Variants in AMPH observed in about 807,000 individuals in gnomAD.
AMPH encodes the protein amphiphysin (Stiff-Mann syndrome with breast cancer 128kD autoantigen).
Under a neutral mutation model 99.1 loss-of-function variants are expected in AMPH, and 49 were observed. The ratio of observed to expected loss-of-function variants is 0.49; its 90% CI spans 0.39 to 0.63. The LOEUF (loss-of-function observed/expected upper bound fraction) is 0.63. AMPH is among the 20% of genes least tolerant of loss of function. The pLI, the probability that AMPH is intolerant of heterozygous loss-of-function variation, is 0.00. For missense variants in AMPH, 759 were observed against 863.4 expected (o/e 0.88, Z 1.52); for synonymous variants, 314 against 317.3 (o/e 0.99, Z 0.11).
intron 17 of AMPH, among the ~76,000 whole-genome samples, chr7:38,395,580 G>A (rs957696788): frequency 2.2e-4 from 33 of 152,226 alleles, no homozygotes; most frequent in South Asian, 1.0e-3. Flanking sequence ...AGAGGTTCAC[G>A]TGAGAAAGAC....
intron 11 of AMPH, among the ~76,000 whole-genome samples, chr7:38,459,039 A>G (rs1787341388): frequency 6.6e-6 from 1 of 152,170 alleles, no homozygotes; most frequent in South Asian, 2.1e-4. Context: ...GGATATGTAA[A>G]AAAAATCAAC....
intron 17 of AMPH, among the ~76,000 whole-genome samples, chr7:38,406,768 CT>C (rs1562732528): frequency 2.0e-4 from 29 of 142,622 alleles, no homozygotes; most frequent in African/African-American, 7.6e-4. Flanking sequence ...CTCTCTCTCT[CT>C]CTCTCTCGTG....
intron 6 of AMPH, 27 bp downstream of exon 6, chr7:38,476,835 G>C (rs371976840): frequency 6.6e-7 from 1 of 1,526,072 alleles, no homozygotes; most frequent in Non-Finnish European, 9.1e-7. Flanking sequence ...TACGGAGAGT[G>C]GTATTCACCA....
intron 1 of AMPH, among the ~76,000 whole-genome samples, chr7:38,564,338 G>A (rs192998157): frequency 6.6e-5 from 10 of 152,326 alleles, no homozygotes; most frequent in Admixed American, 5.2e-4. Flanking sequence ...TTGCAGGGCA[G>A]TGTGAGAGAT....
chr7:38,590,205 G>A (rs1038291023), intron 1 of AMPH, among the ~76,000 whole-genome samples: 10 of 152,146 alleles, frequency 6.6e-5, no homozygotes, highest in African/African-American at 2.2e-4. Flanking sequence ...GAAGAGAACC[G>A]TGGAACCCAG....
chr7:38,422,812 G>A (rs1217365391), intron 15 of AMPH, among the ~76,000 whole-genome samples: 1 of 152,056 alleles, frequency 6.6e-6, no homozygotes, highest in African/African-American at 2.4e-5. Context: ...TATAGACAGC[G>A]TTTCATCATG....
At chr7:38,435,106 T>G (rs1786210277) in intron 12 of AMPH, among the ~76,000 whole-genome samples, 1 of 152,156 alleles carries the variant, frequency 6.6e-6, no homozygotes, top group African/African-American at 2.4e-5. Flanking sequence ...TAGAAGAGAG[T>G]TAATACAGGA....
chr7:38,554,818 C>T (rs1791307587), intron 1 of AMPH, among the ~76,000 whole-genome samples: 1 of 152,124 alleles, frequency 6.6e-6, no homozygotes, highest in Non-Finnish European at 1.5e-5. Context: ...ACTGGTGGGA[C>T]CAATCAGATA....
At position 38,453,102 on chromosome 7, in the gene AMPH, G is replaced by A. The variant is rs186460042; in HGVS notation, c.1017+8181C>T. Among the ~76,000 whole-genome samples the A allele has an allele frequency of 3.9e-5, 6 of 152,244 alleles. No individual in the cohort carries two copies. The East Asian group carries it at 1.2e-3, about 29-fold the overall frequency. ...GTCATACTCTGTGGTCCAGCTGCTA[G>A]AGCCATGTCGCTTTTCAGATTTAGA... On this transcript the variant is annotated intron_variant, in intron 11 of 20. Coordinates refer to ENST00000356264, the MANE Select transcript of AMPH (RefSeq NM_001635.4).
At chr7:38,482,883 G>T (rs1788342687) in intron 5 of AMPH, among the ~76,000 whole-genome samples, 1 of 152,060 alleles carries the variant, frequency 6.6e-6, no homozygotes, top group African/African-American at 2.4e-5. Flanking sequence ...AGAATAGGAA[G>T]CCCTGGACTC....
chr7:38,450,243 A>G (rs1349842636), intron 11 of AMPH, among the ~76,000 whole-genome samples: 2 of 152,218 alleles, frequency 1.3e-5, no homozygotes. Flanking sequence ...AATATGCAAT[A>G]TCATAGTTGG....
intron 3 of AMPH, among the ~76,000 whole-genome samples, chr7:38,500,361 A>G (rs1270250195): frequency 6.6e-6 from 1 of 152,200 alleles, no homozygotes; most frequent in Non-Finnish European, 1.5e-5. Context: ...TCAATCAGCA[A>G]ACCCAAGATG....
At chr7:38,614,356 A>G (rs1424234147) in intron 1 of AMPH, among the ~76,000 whole-genome samples, 3 of 152,022 alleles carry the variant, frequency 2.0e-5, no homozygotes, top group Non-Finnish European at 4.4e-5. Flanking sequence ...AATTGACTGA[A>G]CTGGAAAGCT....
In AMPH at chr7:38,627,387, C is replaced by CAAAAAAAAAAAAA. The variant is rs70977419; in HGVS notation, c.69+3883_69+3895dup. ...CGAAACCCCGTCTCTACTAAAAATA[C>CAAAAAAAAAAAAA]AAAAAAAAAAAAAATTAGCCGGACG... On this transcript the variant is annotated intron_variant, in intron 1 of 20. Coordinates refer to ENST00000356264, the MANE Select transcript of AMPH (RefSeq NM_001635.4). 1.0e-3 allele frequency among the ~76,000 whole-genome samples: 117 copies of CAAAAAAAAAAAAA among 116,882 alleles called. 3 individuals are homozygous for CAAAAAAAAAAAAA. The highest frequency in any genetic ancestry group is 2.1e-3 in the African/African-American group (60 of 28,778). The allele number at this position is 116,882 out of a possible 152,430, so 76.7% of individuals were successfully genotyped here.
At position 38,429,370 on chromosome 7, in the gene AMPH, T is replaced by C. The variant is rs747027899; in HGVS notation, c.1182+472A>G. 1.9e-5 allele frequency: 24 copies of C among 1,290,348 alleles called. 1 individual carries two copies. The highest frequency in any genetic ancestry group is 2.1e-4 in the Middle Eastern group (1 of 4,698). The allele number at this position is 1,290,348 out of a possible 1,614,324, so 79.9% of individuals were successfully genotyped here. ...GAAAGCAGGCTGGTGGATAATCTTA[T>C]GTCTTGCTCTGTTTCGGAGGGACAT... On this transcript the variant is annotated intron_variant, in intron 14 of 20. Coordinates refer to ENST00000356264, the MANE Select transcript of AMPH (RefSeq NM_001635.4).
At chr7:38,494,349 C>A in intron 4 of AMPH, 84 bp downstream of exon 4, 1 of 1,129,568 alleles carries the variant, frequency 8.9e-7, no homozygotes, top group South Asian at 1.2e-5. Flanking sequence ...ATGATTAAGA[C>A]TGTGAAGTGG....
chr7:38,607,263 C>G (rs972004882), intron 1 of AMPH, among the ~76,000 whole-genome samples: 3 of 152,062 alleles, frequency 2.0e-5, no homozygotes, highest in African/African-American at 7.2e-5. Context: ...CTAAAGGTCC[C>G]AAATATTCAT....
Position 38,621,547 on chromosome 7 carries a change from T to C in AMPH, c.69+9736A>G, listed in dbSNP as rs183344433. On this transcript the variant is annotated intron_variant, in intron 1 of 20. Transcript: ENST00000356264. ...CAACTTTTAGGTGCCTTGATAAAAG[T>C]GCATTTATGCATGGGTCTATGCATA... Among the ~76,000 whole-genome samples, 12 of 152,308 alleles carry C rather than the reference T, an allele frequency of 7.9e-5. No homozygotes were observed. In the East Asian group the frequency reaches 2.3e-3, roughly 29 times the overall value.
chr7:38,456,483 T>C (rs867132726), intron 11 of AMPH, among the ~76,000 whole-genome samples: 58 of 152,332 alleles, frequency 3.8e-4, no homozygotes, highest in African/African-American at 1.3e-3. Flanking sequence ...CCCAGCCCAG[T>C]CTACCACTGT....
Sources: gnomAD v4.1 joint callset for allele counts (sites outside exome capture counted in the v4.1 genomes callset) on GRCh38, gnomAD v4.1.1 for gene constraint, MANE v1.5 for transcripts, NCBI Gene and HGNC (gene_info 2026-07-23, HGNC 2026-07-21) for gene names.